The following CRADD variants were observed in gnomAD, a reference collection of about 807,000 sequenced individuals.
CRADD encodes the protein death domain-containing protein CRADD.
CRADD carries 9 observed loss-of-function variants against 15.5 expected under a neutral mutation model. The observed-to-expected ratio is 0.58, with a 90% CI of 0.35 to 1.01. CRADD has a LOEUF of 1.01. Among genes scored for constraint, CRADD ranks in the 50% least tolerant of loss-of-function variants. The pLI, the probability that CRADD is intolerant of heterozygous loss-of-function variation, is 0.02. For synonymous variants in CRADD, 118 were observed against 107.6 expected (o/e 1.10, Z -0.60); for missense variants, 227 against 250.3 (o/e 0.91, Z 0.63).
intron 2 of CRADD, among the ~76,000 whole-genome samples, chr12:93,771,368 A>G (rs1231719573): frequency 6.6e-6 from 1 of 152,218 alleles, no homozygotes; most frequent in Non-Finnish European, 1.5e-5. Context: ...TTTTTTAATT[A>G]CTATTGACAG....
At chr12:93,691,736 A>G (rs1477331592) in intron 2 of CRADD, among the ~76,000 whole-genome samples, 9 of 152,208 alleles carry the variant, frequency 5.9e-5, no homozygotes, top group Non-Finnish European at 1.3e-4. Context: ...TGAGATTCAG[A>G]CTTCGGTGGA....
chr12:93,738,357 A>G (rs1208892465), intron 2 of CRADD: 49 of 702,064 alleles, frequency 7.0e-5, no homozygotes, highest in Admixed American at 1.0e-4. Flanking sequence ...CCTGTTGACA[A>G]TCTCACCCTA....
chr12:93,859,873 C>T (rs987293357), intron 2 of CRADD, among the ~76,000 whole-genome samples: 5 of 144,544 alleles, frequency 3.5e-5, no homozygotes, highest in African/African-American at 2.6e-5. Context: ...GAACTACAGG[C>T]GCACCACCCC....
intron 2 of CRADD, among the ~76,000 whole-genome samples, chr12:93,777,863 C>T (rs113611034): frequency 4.2e-4 from 64 of 152,220 alleles, no homozygotes; most frequent in Non-Finnish European, 5.7e-4. Flanking sequence ...ATCGTGGCTC[C>T]GTGGCATACA....
chr12:93,777,333 T>C (rs1027533555), intron 2 of CRADD, among the ~76,000 whole-genome samples: 1 of 152,214 alleles, frequency 6.6e-6, no homozygotes, highest in Non-Finnish European at 1.5e-5. Flanking sequence ...CTGAGGTTAG[T>C]ACACTGAATT....
intron 2 of CRADD, among the ~76,000 whole-genome samples, chr12:93,759,946 C>T (rs993651754): frequency 6.6e-6 from 1 of 152,158 alleles, no homozygotes; most frequent in Non-Finnish European, 1.5e-5. Flanking sequence ...TTACTCCCAT[C>T]TGATGGTGGG....
intron 2 of CRADD, among the ~76,000 whole-genome samples, chr12:93,686,407 G>A (rs1955444229): frequency 6.6e-6 from 1 of 151,804 alleles, no homozygotes; most frequent in South Asian, 2.1e-4. Context: ...AAGAAAGACA[G>A]GCATTTGGGG....
At chr12:93,701,008 T>C (rs1449286127) in intron 2 of CRADD, among the ~76,000 whole-genome samples, 1 of 152,130 alleles carries the variant, frequency 6.6e-6, no homozygotes, top group Admixed American at 6.6e-5. Context: ...AGGGACCTAG[T>C]GCTATTGGAC....
intron 2 of CRADD, among the ~76,000 whole-genome samples, chr12:93,875,658 TAAAC>T (rs910876138): frequency 5.3e-5 from 8 of 152,060 alleles, no homozygotes; most frequent in African/African-American, 1.4e-4. Context: ...ACTGTTTGCA[TAAAC>T]AAACAAACAA....
At chr12:93,756,666 CT>C (rs1295097892) in intron 2 of CRADD, among the ~76,000 whole-genome samples, 1 of 152,208 alleles carries the variant, frequency 6.6e-6, no homozygotes, top group Non-Finnish European at 1.5e-5. Context: ...CAAAGTCCTT[CT>C]AAGCAGTAGG....
At chr12:93,850,769 G>GTTT, downstream of CRADD, 2 of 855,252 alleles carry the variant, frequency 2.3e-6, no homozygotes, top group African/African-American at 1.9e-5. The surrounding 1 kb of genome is among the most constrained non-coding windows in gnomAD (Gnocchi z 4.0). Flanking sequence ...ACCGTGTTGG[G>GTTT]TTTTTTTTTT....
intron 2 of CRADD, among the ~76,000 whole-genome samples, chr12:93,721,310 C>G (rs1956257901): frequency 6.6e-6 from 1 of 152,116 alleles, no homozygotes; most frequent in African/African-American, 2.4e-5. Context: ...AGACCAATTT[C>G]AAATAACTCT....
chr12:93,727,996 C>T (rs543789829), intron 2 of CRADD, among the ~76,000 whole-genome samples: 76 of 152,314 alleles, frequency 5.0e-4, no homozygotes, highest in African/African-American at 1.7e-3. Flanking sequence ...TAACACAGAA[C>T]TTGCGTGTTA....
At chr12:93,863,353 T>A (rs1299701711) in intron 2 of CRADD, among the ~76,000 whole-genome samples, 1 of 152,206 alleles carries the variant, frequency 6.6e-6, no homozygotes, top group East Asian at 1.9e-4. Flanking sequence ...CCCTTTGCTA[T>A]CTTCTCATTT....
At chr12:93,836,042 A>G (rs1957969022) in intron 2 of CRADD, 1 of 152,204 alleles carries the variant, frequency 6.6e-6, no homozygotes, top group South Asian at 2.1e-4. Context: ...AGGCCACCCT[A>G]TAATGCCTGT....
intron 2 of CRADD, chr12:93,735,502 A>T (rs1565894403): frequency 6.6e-6 from 1 of 152,218 alleles, no homozygotes; most frequent in Non-Finnish European, 1.5e-5. Flanking sequence ...CAAAGAGACT[A>T]TAGTGCCTGG....
chr12:93,820,589 A>G (rs1957759152), intron 2 of CRADD, among the ~76,000 whole-genome samples: 1 of 151,380 alleles, frequency 6.6e-6, no homozygotes, highest in Non-Finnish European at 1.5e-5. Context: ...CCCCTCTGAG[A>G]AGACGCATCA....
At chr12:93,813,304 C>T (rs896500089) in intron 2 of CRADD, among the ~76,000 whole-genome samples, 3 of 152,144 alleles carry the variant, frequency 2.0e-5, no homozygotes, top group East Asian at 1.9e-4. Context: ...GTCAAGAACA[C>T]GCAATAGTCT....
chr12:93,833,043 C>G (rs886510520), intron 2 of CRADD, among the ~76,000 whole-genome samples: 4 of 152,206 alleles, frequency 2.6e-5, no homozygotes, highest in Admixed American at 6.5e-5. Flanking sequence ...ATATTAGAAG[C>G]AGGGCCACAT....
Sources: gnomAD v4.1 joint callset for allele counts (sites outside exome capture counted in the v4.1 genomes callset) on GRCh38, gnomAD v4.1.1 for gene constraint, Gnocchi (gnomAD v3.1) non-coding constraint, MANE v1.5 for transcripts, NCBI Gene and HGNC (gene_info 2026-07-23, HGNC 2026-07-21) for gene names.